Variants in B3GALT1 observed in about 807,000 individuals in gnomAD.
The protein encoded by B3GALT1 is UDP-Gal:betaGlcNAc beta 1,3-galactosyltransferase, polypeptide 1.
B3GALT1 carries 10 observed loss-of-function variants against 23.2 expected under a neutral mutation model. The observed-to-expected ratio is 0.43, with a 90% CI of 0.27 to 0.73. The LOEUF is 0.73. B3GALT1 is among the 30% of genes least tolerant of loss of function. The pLI, the probability that B3GALT1 is intolerant of heterozygous loss-of-function variation, is 0.21. For missense variants in B3GALT1, 299 were observed against 405.4 expected (o/e 0.74, Z 2.25); for synonymous variants, 156 against 141.5 (o/e 1.10, Z -0.73).
intron 3 of B3GALT1, among the ~76,000 whole-genome samples, chr2:167,727,490 CCAAAGATT>C (rs1687337127): frequency 1.3e-5 from 2 of 152,164 alleles, no homozygotes; most frequent in South Asian, 4.2e-4. Context: ...CTTCTGATTC[CCAAAGATT>C]CATGTTCATT....
intron 1 of B3GALT1, among the ~76,000 whole-genome samples, chr2:167,350,583 G>C (rs192184952): frequency 6.6e-6 from 1 of 152,254 alleles, no homozygotes; most frequent in African/African-American, 2.4e-5. Context: ...TGTTCCCTCT[G>C]CATCCAGCGT....
intron 1 of B3GALT1, among the ~76,000 whole-genome samples, chr2:167,308,147 G>T (rs186112496): frequency 6.6e-6 from 1 of 151,996 alleles, no homozygotes; most frequent in Non-Finnish European, 1.5e-5. Flanking sequence ...AAAACCTTAG[G>T]CAGTAGATGT....
intron 1 of B3GALT1, among the ~76,000 whole-genome samples, chr2:167,399,999 T>C (rs1366895756): frequency 6.6e-6 from 1 of 152,134 alleles, no homozygotes; most frequent in East Asian, 1.9e-4. Context: ...AAATCTAAAT[T>C]ATTATCCTTT....
rs1699054966 is a variant in B3GALT1, at chr2:167,449,547, C to T, written c.-510-40630C>T. Among the ~76,000 whole-genome samples the T allele has an allele frequency of 1.3e-5, 2 of 152,158 alleles. 1 individual carries two copies. Among genetic ancestry groups the T allele is most frequent in the African/African-American group, 4.8e-5 (2 of 41,448 alleles). ...TGATCATATCATCAGCAAACAGCAG[C>T]AGTTTGACTTCCTCTTTACTGATTT... On this transcript the variant is annotated intron_variant, in intron 1 of 4. Coordinates refer to ENST00000392690, the MANE Select transcript of B3GALT1 (RefSeq NM_020981.4).
In B3GALT1 at chr2:167,568,943, A is replaced by T. The variant is rs57537968; in HGVS notation, c.-409-77966A>T. On this transcript the variant is annotated intron_variant, in intron 2 of 4. Coordinates refer to ENST00000392690, the MANE Select transcript of B3GALT1 (RefSeq NM_020981.4). ...TTTAGATTCATTGTTTTGCACGTGG[A>T]TGTGCAGTTGTTCTAGCACCATTTG... is the stretch of plus-strand genomic sequence containing the variant. Among the ~76,000 whole-genome samples, 1,462 of 152,064 alleles carry T rather than the reference A, an allele frequency of 9.6e-3. 20 individuals are homozygous for T. The highest frequency in any genetic ancestry group is 0.033 in the African/African-American group (1,385 of 41,524).
At chr2:167,521,555 C>T (rs1268188435) in intron 2 of B3GALT1, among the ~76,000 whole-genome samples, 1 of 151,948 alleles carries the variant, frequency 6.6e-6, no homozygotes, top group Non-Finnish European at 1.5e-5. Context: ...CAAATGTGGC[C>T]TAATTTTTCA....
chr2:167,421,045 C>A (rs982173206), intron 1 of B3GALT1, among the ~76,000 whole-genome samples: 4 of 152,046 alleles, frequency 2.6e-5, no homozygotes, highest in Non-Finnish European at 5.9e-5. Context: ...CTGAGTGGAA[C>A]AATATAATGC....
At chr2:167,770,752 T>C (rs1688059059) in intron 3 of B3GALT1, among the ~76,000 whole-genome samples, 1 of 152,222 alleles carries the variant, frequency 6.6e-6, no homozygotes, top group Non-Finnish European at 1.5e-5. Context: ...TAGTTTTTCA[T>C]ATCAGTGTCC....
chr2:167,306,267 A>G (rs979820056), intron 1 of B3GALT1, among the ~76,000 whole-genome samples: 3 of 152,050 alleles, frequency 2.0e-5, no homozygotes, highest in African/African-American at 7.2e-5. Flanking sequence ...GTAATAAAAT[A>G]TAAAATGATT....
At chr2:167,810,960 C>T (rs1237829556) in intron 3 of B3GALT1, among the ~76,000 whole-genome samples, 1 of 152,090 alleles carries the variant, frequency 6.6e-6, no homozygotes, top group African/African-American at 2.4e-5. Context: ...GAATGGGCTG[C>T]CTAAACATCA....
chr2:167,298,713 A>G (rs537072607), intron 1 of B3GALT1, among the ~76,000 whole-genome samples: 161 of 152,264 alleles, frequency 1.1e-3, no homozygotes, highest in African/African-American at 3.5e-3. Context: ...CCCAAGGTCA[A>G]TCACTTTGGA....
chr2:167,743,804 G>A (rs1574240769), intron 3 of B3GALT1, among the ~76,000 whole-genome samples: 1 of 152,046 alleles, frequency 6.6e-6, no homozygotes, highest in East Asian at 1.9e-4. Flanking sequence ...ATTTTAATCT[G>A]TTTCTTATTC....
intron 3 of B3GALT1, among the ~76,000 whole-genome samples, chr2:167,702,994 A>G (rs1176172152): frequency 6.6e-6 from 1 of 152,178 alleles, no homozygotes; most frequent in East Asian, 1.9e-4. Flanking sequence ...TCACAAAGTA[A>G]AATACCATAC....
intron 3 of B3GALT1, among the ~76,000 whole-genome samples, chr2:167,773,970 T>C (rs1688115375): frequency 6.6e-6 from 1 of 152,238 alleles, no homozygotes; most frequent in Admixed American, 6.5e-5. Flanking sequence ...CTAGTTATTC[T>C]AAATGCTCAA....
chr2:167,403,017 A>G (rs1162110769), intron 1 of B3GALT1, among the ~76,000 whole-genome samples: 5 of 151,102 alleles, frequency 3.3e-5, no homozygotes, highest in African/African-American at 7.3e-5. Context: ...GCTAAAGAGC[A>G]CCATGTTTGT....
intron 2 of B3GALT1, among the ~76,000 whole-genome samples, chr2:167,506,693 A>G (rs1699923171): frequency 6.6e-6 from 1 of 152,220 alleles, no homozygotes; most frequent in Admixed American, 6.5e-5. Flanking sequence ...TTATGCAAAT[A>G]AATATCCACA....
At chr2:167,515,839 A>G (rs1237110375) in intron 2 of B3GALT1, among the ~76,000 whole-genome samples, 9 of 152,106 alleles carry the variant, frequency 5.9e-5, no homozygotes, top group African/African-American at 9.7e-5. Flanking sequence ...TTTTTATTAC[A>G]AAGTAACTTT....
chr2:167,361,184 C>G (rs1479814955), intron 1 of B3GALT1, among the ~76,000 whole-genome samples: 1 of 147,402 alleles, frequency 6.8e-6, no homozygotes, highest in Non-Finnish European at 1.5e-5. Flanking sequence ...GTTCAGATAT[C>G]TCTTTGATAC....
chr2:167,705,465 GC>G (rs34475060), intron 3 of B3GALT1, among the ~76,000 whole-genome samples: 4,734 of 152,228 alleles, frequency 0.031, 94 homozygotes, highest in Non-Finnish European at 0.046. Flanking sequence ...GAATCAAGAT[GC>G]TTTTTTTTAA....
Sources: gnomAD v4.1 joint callset for allele counts (sites outside exome capture counted in the v4.1 genomes callset) on GRCh38, gnomAD v4.1.1 for gene constraint, MANE v1.5 for transcripts, NCBI Gene and HGNC (gene_info 2026-07-23, HGNC 2026-07-21) for gene names.